EFNA5: variants seen among roughly 807,000 people sequenced by gnomAD.
EFNA5 encodes the protein ephrin-A5.
EFNA5 carries 5 observed loss-of-function variants against 22.9 expected under a neutral mutation model. That is an observed-to-expected ratio of 0.22 (90% confidence interval 0.11 to 0.46). The LOEUF is 0.46. Among genes scored for constraint, EFNA5 ranks in the 20% least tolerant of loss-of-function variants. The probability of loss-of-function intolerance (pLI) is 0.99; values close to 1 mark genes in which losing one functional copy is unlikely to be tolerated. For missense variants in EFNA5, 237 were observed against 293.3 expected (o/e 0.81, Z 1.40); for synonymous variants, 113 against 112.2 (o/e 1.01, Z -0.04).
At chr5:107,437,768 C>G (rs573347360) in intron 1 of EFNA5, among the ~76,000 whole-genome samples, 2 of 152,256 alleles carry the variant, frequency 1.3e-5, no homozygotes, top group South Asian at 4.1e-4. Context: ...ATCCAATAAT[C>G]TCTTCCTGTG....
chr5:107,397,169 C>T (rs1333621037), intron 2 of EFNA5, among the ~76,000 whole-genome samples: 2 of 152,018 alleles, frequency 1.3e-5, no homozygotes, highest in Non-Finnish European at 2.9e-5. Context: ...AGGAGGATCA[C>T]CTGAGCCCAG....
At chr5:107,583,922 G>A (rs940979016) in intron 1 of EFNA5, among the ~76,000 whole-genome samples, 3 of 151,102 alleles carry the variant, frequency 2.0e-5, no homozygotes, top group African/African-American at 7.3e-5. Flanking sequence ...TAGGTTTTCT[G>A]GTGACCACAG....
At chr5:107,654,484 T>C (rs1488410945) in intron 1 of EFNA5, among the ~76,000 whole-genome samples, 1 of 152,158 alleles carries the variant, frequency 6.6e-6, no homozygotes. Flanking sequence ...TTGTCTGCCA[T>C]AACCAACTAT....
At chr5:107,518,272 G>GAAA (rs60332450) in intron 1 of EFNA5, among the ~76,000 whole-genome samples, 10 of 132,362 alleles carry the variant, frequency 7.6e-5, no homozygotes, top group African/African-American at 2.2e-4. Context: ...GCCCCACTCG[G>GAAA]AAAAAAAAAA....
chr5:107,565,620 A>G (rs1177195104), intron 1 of EFNA5, among the ~76,000 whole-genome samples: 1 of 152,202 alleles, frequency 6.6e-6, no homozygotes, highest in African/African-American at 2.4e-5. Context: ...TTTTATGTCC[A>G]TCTAGAAATA....
At chr5:107,525,602 AT>A (rs1435713535) in intron 1 of EFNA5, among the ~76,000 whole-genome samples, 2 of 152,212 alleles carry the variant, frequency 1.3e-5, no homozygotes, top group Non-Finnish European at 2.9e-5. Flanking sequence ...AAAGGAAAAC[AT>A]TATTAGGAAA....
intron 1 of EFNA5, among the ~76,000 whole-genome samples, chr5:107,588,350 AGAGGATCTT>A: frequency 6.6e-6 from 1 of 152,160 alleles, no homozygotes; most frequent in South Asian, 2.1e-4. Context: ...CCGTCCTGGA[AGAGGATCTT>A]CTCATGATTT....
intron 1 of EFNA5, among the ~76,000 whole-genome samples, chr5:107,564,637 T>TTG (rs1274784028): frequency 1.4e-5 from 2 of 144,534 alleles, no homozygotes; most frequent in African/African-American, 5.5e-5. Context: ...TTTTGTTTTT[T>TTG]TTTTTTTTTT....
chr5:107,382,529 T>C lies in EFNA5; in HGVS notation c.566-1153A>G, dbSNP rs113643576. ...CTGGGACTCCAGGTGTGAACCACGA[T>C]GCCTGGCTAATTTTAAGAATTTTTA... On this transcript the variant is annotated intron_variant, in intron 4 of 4. Transcript: ENST00000333274. 2.9e-3 allele frequency among the ~76,000 whole-genome samples: 434 copies of C among 152,216 alleles called. 3 individuals are homozygous for C. The highest frequency in any genetic ancestry group is 8.3e-3 in the African/African-American group (345 of 41,552).
At position 107,593,185 on chromosome 5, in the gene EFNA5, T is replaced by C. The variant is rs114670473; in HGVS notation, c.125+77304A>G. Among the ~76,000 whole-genome samples, 528 of 152,234 alleles carry C rather than the reference T, an allele frequency of 3.5e-3. 3 individuals carry two copies. Among genetic ancestry groups the C allele is most frequent in the African/African-American group, 0.012 (512 of 41,532 alleles). ...GAGTGAGCCCATGACTGGAAGAAGATACTAATCAGATACAGAGACTCGACC... is the reference window on the plus strand; with the variant it reads ...GAGTGAGCCCATGACTGGAAGAAGACACTAATCAGATACAGAGACTCGACC... On this transcript the variant is annotated intron_variant, in intron 1 of 4. Coordinates refer to ENST00000333274, the MANE Select transcript of EFNA5 (RefSeq NM_001962.3).
At chr5:107,593,304 G>C (rs771193096) in intron 1 of EFNA5, among the ~76,000 whole-genome samples, 2 of 152,104 alleles carry the variant, frequency 1.3e-5, no homozygotes, top group Admixed American at 6.5e-5. Context: ...GCACAGGACC[G>C]GACTTCAGTA....
At chr5:107,470,916 T>A (rs1468177261) in intron 1 of EFNA5, among the ~76,000 whole-genome samples, 1 of 152,146 alleles carries the variant, frequency 6.6e-6, no homozygotes, top group Non-Finnish European at 1.5e-5. Context: ...GATGTCTTTT[T>A]TATCTCTTTT....
rs1213554122 is a variant in EFNA5, at chr5:107,652,087, TAA to T, written c.125+18400_125+18401del. ...TGAACCTAAAGCTGCTCTAAATAAA[TAA>T]AGTCTTTAAAAAGTCAAAAACAAAA... On this transcript the variant is annotated intron_variant, in intron 1 of 4. Coordinates refer to ENST00000333274, the MANE Select transcript of EFNA5 (RefSeq NM_001962.3). Among the ~76,000 whole-genome samples, 16 of 152,148 alleles carry T rather than the reference TAA, an allele frequency of 1.1e-4. No homozygotes were observed. In the South Asian group the frequency reaches 3.3e-3, roughly 31 times the overall value.
At position 107,647,535 on chromosome 5, in the gene EFNA5, T is replaced by C. The variant is rs558803307; in HGVS notation, c.125+22954A>G. On this transcript the variant is annotated intron_variant, in intron 1 of 4. Transcript: ENST00000333274. ...CAAAAAATTTAAGATTACAGAATTA[T>C]AAAATAATGGAGAGGAATAAAATAG... is the stretch of plus-strand genomic sequence containing the variant. 3.9e-5 allele frequency among the ~76,000 whole-genome samples: 6 copies of C among 152,278 alleles called. 1 individual carries two copies. Among genetic ancestry groups the C allele is most frequent in the African/African-American group, 1.4e-4 (6 of 41,578 alleles).
intron 1 of EFNA5, among the ~76,000 whole-genome samples, chr5:107,560,160 T>C (rs1399752142): frequency 6.6e-6 from 1 of 152,252 alleles, no homozygotes; most frequent in Non-Finnish European, 1.5e-5. Context: ...AGATTGCTTT[T>C]ACATTAAAGG....
chr5:107,393,772 G>C (rs1747847748), intron 2 of EFNA5, among the ~76,000 whole-genome samples: 1 of 152,160 alleles, frequency 6.6e-6, no homozygotes, highest in South Asian at 2.1e-4. Context: ...GTGGAATTAA[G>C]CATTAATATT....
Position 107,441,925 on chromosome 5 carries a change from G to A in EFNA5, c.126-14416C>T, listed in dbSNP as rs548554999. Among the ~76,000 whole-genome samples, 68 of 152,156 alleles carry A rather than the reference G, an allele frequency of 4.5e-4. 1 individual carries two copies. Among genetic ancestry groups the A allele is most frequent in the Middle Eastern group, 3.4e-3 (1 of 294 alleles). ...AGACATATCACTCCTGATTTTCTTCGAATCTAAGAAATCCTCCTACATAAA... is the reference window on the plus strand; with the variant it reads ...AGACATATCACTCCTGATTTTCTTCAAATCTAAGAAATCCTCCTACATAAA... On this transcript the variant is annotated intron_variant, in intron 1 of 4. Coordinates refer to ENST00000333274, the MANE Select transcript of EFNA5 (RefSeq NM_001962.3).
chr5:107,509,547 G>A (rs1747322214), intron 1 of EFNA5, among the ~76,000 whole-genome samples: 1 of 147,838 alleles, frequency 6.8e-6, no homozygotes, highest in Non-Finnish European at 1.5e-5. Flanking sequence ...TGGCCAAGCT[G>A]GTCTTGAACT....
chr5:107,527,459 G>GT (rs1747719373), intron 1 of EFNA5, among the ~76,000 whole-genome samples: 1 of 151,650 alleles, frequency 6.6e-6, no homozygotes, highest in African/African-American at 2.4e-5. Flanking sequence ...GCTAATTTTT[G>GT]TATTTTTAGT....
Sources: gnomAD v4.1 joint callset for allele counts (sites outside exome capture counted in the v4.1 genomes callset) on GRCh38, gnomAD v4.1.1 for gene constraint, MANE v1.5 for transcripts, NCBI Gene and HGNC (gene_info 2026-07-23, HGNC 2026-07-21) for gene names.